The following CD9 variants were observed in gnomAD, a reference collection of about 807,000 sequenced individuals.
CD9 encodes CD9 molecule.
A neutral mutation model predicts 31.4 loss-of-function variants in CD9; 10 were observed. The observed-to-expected ratio is 0.32, with a 90% CI of 0.20 to 0.54. The LOEUF (loss-of-function observed/expected upper bound fraction) is 0.54, where lower values mean the gene tolerates loss of function less well. CD9 is among the 20% of genes least tolerant of loss of function. The pLI, the probability that CD9 is intolerant of heterozygous loss-of-function variation, is 0.94. For synonymous variants in CD9, 113 were observed against 114.1 expected, an observed-to-expected ratio of 0.99 and a Z score of 0.06; for missense variants, 259 against 300.1, an observed-to-expected ratio of 0.86 and a Z score of 1.01.
At chr12:6,211,445 G>A (rs112258871) in intron 1 of CD9, among the ~76,000 whole-genome samples, 12 of 152,280 alleles carry the variant, frequency 7.9e-5, no homozygotes, top group African/African-American at 2.4e-4. Flanking sequence ...TCCACCAAGC[G>A]GTGCCGGAAG....
chr12:6,219,631 A>G (rs984398219), intron 1 of CD9, among the ~76,000 whole-genome samples: 16 of 151,750 alleles, frequency 1.1e-4, no homozygotes, highest in Admixed American at 6.6e-4. Flanking sequence ...TACTACAGGC[A>G]CCCGCCACCA....
At chr12:6,202,968 A>G (rs1946093002) in intron 1 of CD9, among the ~76,000 whole-genome samples, 1 of 152,118 alleles carries the variant, frequency 6.6e-6, no homozygotes, top group Non-Finnish European at 1.5e-5. Flanking sequence ...GTTTTCCTGA[A>G]TTACTGTTCA....
intron 1 of CD9, among the ~76,000 whole-genome samples, chr12:6,204,358 C>T (rs1377263414): frequency 6.6e-6 from 1 of 152,188 alleles, no homozygotes; most frequent in Non-Finnish European, 1.5e-5. Flanking sequence ...AACAAAACTA[C>T]ATTCGTGTCC....
intron 1 of CD9, among the ~76,000 whole-genome samples, chr12:6,223,160 T>A (rs1356009727): frequency 3.3e-5 from 5 of 152,052 alleles, no homozygotes; most frequent in Non-Finnish European, 7.4e-5. Flanking sequence ...AGGTTAACGC[T>A]TTTATGTCCA....
chr12:6,233,222 G>A (rs1293928984), intron 3 of CD9, 190 bp from the exon 4 acceptor site: 11 of 635,798 alleles, frequency 1.7e-5, no homozygotes, highest in Non-Finnish European at 3.1e-5. Flanking sequence ...GCCTCACTGT[G>A]GCCTCTGTCC....
chr12:6,238,018 A>T lies in CD9; in HGVS notation c.*190A>T, dbSNP rs1399773766. On this transcript the variant is annotated 3_prime_UTR_variant, in exon 8 of 8. Coordinates refer to ENST00000009180, the MANE Select transcript of CD9 (RefSeq NM_001769.4). ...TTTTAATGCTTCATTCAATATTGAC[A>T]TTTGTAGTTGAGCGGGGGGTTTGGT... 6 of 503,130 alleles carry T rather than the reference A, an allele frequency of 1.2e-5. No homozygotes were observed. Among genetic ancestry groups the T allele is most frequent in the Non-Finnish European group, 2.2e-5 (6 of 278,684 alleles). 31.2% of individuals were successfully genotyped at this position (503,130 alleles called of 1,614,324 possible). A position where few individuals can be genotyped will look rare whatever the true frequency, so the allele number is the denominator to read the frequency against.
chr12:6,200,522 A>C lies in CD9; in HGVS notation c.23A>C (p.Lys8Thr). MPVKGGT[K>T]CIKYLLFGFN... ...ACCATGCCGGTCAAAGGAGGCACCA[A>C]GTGCATCAAATACCTGCTGTTCGGA... Residue 8 changes from lysine (K) to threonine (T), a missense_variant, in exon 1 of 8, where the codon AAG becomes ACG. Physicochemically the swap from Lys to Thr is moderately conservative, Grantham distance 78. Coordinates refer to ENST00000009180, the MANE Select transcript of CD9 (RefSeq NM_001769.4). The C allele has an allele frequency of 6.2e-7, 1 of 1,611,186 alleles. No homozygotes were observed.
At position 6,232,345 on chromosome 12, in the gene CD9, T is replaced by G. The variant is rs1946456428; in HGVS notation, c.176-287T>G. ...TGTAGGGATTCCCGTGGATATTCTC[T>G]GTCCTGGATTGAGGGCTAATGGGCA... On this transcript the variant is annotated intron_variant, in intron 2 of 7. Coordinates refer to ENST00000009180, the MANE Select transcript of CD9 (RefSeq NM_001769.4). This position sits in a 1 kb window ranked among gnomAD's most constrained non-coding sequence, Gnocchi z 4.8. 2.0e-6 allele frequency: 1 copy of G among 506,524 alleles called. No homozygotes were observed. Among genetic ancestry groups the G allele is most frequent in the Admixed American group, 3.3e-5 (1 of 29,884 alleles). 31.4% of individuals were successfully genotyped at this position (506,524 alleles called of 1,614,324 possible).
chr12:6,229,238 C>T (rs894290290), intron 2 of CD9, among the ~76,000 whole-genome samples: 7 of 152,192 alleles, frequency 4.6e-5, no homozygotes, highest in African/African-American at 1.2e-4. Flanking sequence ...AGCCAGAGGC[C>T]GTGAATGCCC....
intron 5 of CD9, 26 bp downstream of exon 5, chr12:6,235,353 T>TC: frequency 6.2e-7 from 1 of 1,614,172 alleles, no homozygotes; most frequent in Non-Finnish European, 8.5e-7. Context: ...AAAGACACCC[T>TC]CCTGCGCTTT....
intron 1 of CD9, among the ~76,000 whole-genome samples, chr12:6,224,029 A>G (rs772650380): frequency 1.4e-4 from 21 of 151,944 alleles, no homozygotes; most frequent in Non-Finnish European, 2.5e-4. Flanking sequence ...GTCCTTACCA[A>G]TGTTTGGAGC....
At chr12:6,218,572 G>A (rs893087021) in intron 1 of CD9, among the ~76,000 whole-genome samples, 1 of 152,224 alleles carries the variant, frequency 6.6e-6, no homozygotes. Context: ...ACTTGGCATA[G>A]AGTCCCCAGA....
intron 1 of CD9, among the ~76,000 whole-genome samples, chr12:6,216,170 C>T (rs1184345534): frequency 6.6e-6 from 1 of 152,206 alleles, no homozygotes; most frequent in Admixed American, 6.5e-5. Context: ...TGGAGATGGG[C>T]GAGGCCCAGA....
At chr12:6,218,037 C>A (rs533438819) in intron 1 of CD9, among the ~76,000 whole-genome samples, 1 of 152,228 alleles carries the variant, frequency 6.6e-6, no homozygotes, top group South Asian at 2.1e-4. Flanking sequence ...CCAGCCTGGA[C>A]AACATGGGGA....
chr12:6,206,602 T>G (rs1323037931), intron 1 of CD9, among the ~76,000 whole-genome samples: 1 of 152,208 alleles, frequency 6.6e-6, no homozygotes, highest in Non-Finnish European at 1.5e-5. Flanking sequence ...GTCATGCTGG[T>G]CCAGGGACAT....
intron 1 of CD9, among the ~76,000 whole-genome samples, chr12:6,214,720 A>G (rs1284859515): frequency 6.6e-6 from 1 of 152,122 alleles, no homozygotes; most frequent in African/African-American, 2.4e-5. Context: ...AGTCTCATGC[A>G]TAACAGCGAG....
At position 6,228,709 on chromosome 12, in the gene CD9, C is replaced by T. The variant is rs11064096; in HGVS notation, c.175+3175C>T. The stretch of plus-strand genomic sequence containing the variant: ...GGAGGCGTCGCTCTGTGTCCCCTTC[C>T]CCACGAGGCTGTGAGACCAGCCTTC... On this transcript the variant is annotated intron_variant, in intron 2 of 7. Coordinates refer to ENST00000009180, the MANE Select transcript of CD9 (RefSeq NM_001769.4). Among the ~76,000 whole-genome samples the T allele has an allele frequency of 7.2e-3, 1,094 of 152,324 alleles. 14 individuals are homozygous for T. The highest frequency in any genetic ancestry group is 0.025 in the African/African-American group (1,019 of 41,574).
At chr12:6,220,616 A>AG (rs1946283535) in intron 1 of CD9, among the ~76,000 whole-genome samples, 1 of 152,250 alleles carries the variant, frequency 6.6e-6, no homozygotes, top group East Asian at 1.9e-4. Context: ...AAAGTGGCAG[A>AG]GGCAGACCTG....
At chr12:6,234,738 T>C (rs1946493345) in intron 4 of CD9, among the ~76,000 whole-genome samples, 1 of 152,236 alleles carries the variant, frequency 6.6e-6, no homozygotes, top group African/African-American at 2.4e-5. Context: ...TGGTAAAGGC[T>C]TAACATGCAA....
Sources: gnomAD v4.1 joint callset for allele counts (sites outside exome capture counted in the v4.1 genomes callset) on GRCh38, gnomAD v4.1.1 for gene constraint, Gnocchi (gnomAD v3.1) non-coding constraint, MANE v1.5 for transcripts, NCBI Gene and HGNC (gene_info 2026-07-23, HGNC 2026-07-21) for gene names.